NEB: variants seen among roughly 807,000 people sequenced by gnomAD.
The protein encoded by NEB is nebulin, also known as nemaline myopathy type 2.
A neutral mutation model predicts 952.2 loss-of-function variants in NEB; 512 were observed. The observed-to-expected ratio is 0.54, with a 90% CI of 0.50 to 0.58. The LOEUF (loss-of-function observed/expected upper bound fraction) is 0.58. Ranked by LOEUF, NEB falls within the 20% of genes least tolerant of loss-of-function variation. The pLI is 0.00. For synonymous variants in NEB, 2,900 were observed against 3,149.8 expected (o/e 0.92, Z 2.66); for missense variants, 8,428 against 9,231.1 (o/e 0.91, Z 3.56).
chr2:151,639,040 T>C (rs2098813432), intron 63 of NEB, among the ~76,000 whole-genome samples: 1 of 152,170 alleles, frequency 6.6e-6, no homozygotes, highest in Non-Finnish European at 1.5e-5. Context: ...AAGAAAATGG[T>C]CTACATAATC....
In NEB at chr2:151,538,237, T is replaced by C. The variant is rs1033911248; in HGVS notation, c.20900A>G (p.Tyr6967Cys). 1.2e-6 allele frequency: 2 copies of C among 1,608,162 alleles called. No individual in the cohort carries two copies. Among genetic ancestry groups the C allele is most frequent in the African/African-American group, 2.7e-5 (2 of 74,774 alleles). Residue 6967 changes from tyrosine (Y) to cysteine (C), a missense_variant, in exon 139 of 182, where the codon TAC (tyrosine) becomes TGC (cysteine). Around this residue, in one of 11 missense-constraint regions of NEB, gnomAD observed 3,374 missense variants for 3,651.5 expected, o/e 0.92. Transcript: ENST00000397345. ...RAYWNASDLR[Y>C]KETFQKTKGK... is the part of the protein sequence containing the mutation. ...TTTGGTCTTTTGAAATGTTTCTTTG[T>C]AGCGTAGCTAGAAAGAGAAAAAACA...
intron 64 of NEB, among the ~76,000 whole-genome samples, chr2:151,635,166 T>C (rs1460241439): frequency 6.6e-6 from 1 of 152,194 alleles, no homozygotes; most frequent in Non-Finnish European, 1.5e-5. Context: ...AGTGAGACAA[T>C]GCATATAAAG....
chr2:151,560,525 T>G, intron 124 of NEB, 67 bp downstream of exon 124: 4 of 1,250,116 alleles, frequency 3.2e-6, no homozygotes, highest in Non-Finnish European at 4.6e-6. Context: ...GCCTGAAAGA[T>G]TCTTGGAGTG....
At chr2:151,574,722 T>TTTTTTTTATTTATTTATTTA (rs1553805108) in intron 107 of NEB, among the ~76,000 whole-genome samples, 3 of 147,698 alleles carry the variant, frequency 2.0e-5, no homozygotes, top group East Asian at 2.0e-4. Flanking sequence ...ACAGTTTAAA[T>TTTTTTTTATTTATTTATTTA]TTTATTTATT....
In NEB at chr2:151,724,630, G is replaced by A. The variant is rs77538319; in HGVS notation, c.507+227C>T. 3.3e-3 allele frequency among the ~76,000 whole-genome samples: 510 copies of A among 152,300 alleles called. 3 individuals carry two copies. The highest frequency in any genetic ancestry group is 0.011 in the African/African-American group (468 of 41,562). ...CTTCATGCAGCAACAGCCTGGAGCC[G>A]AGTCACAGCTGCCTCTTTGGGCAGG... On this transcript the variant is annotated intron_variant, in intron 7 of 181. Coordinates refer to ENST00000397345, the MANE Select transcript of NEB (RefSeq NM_001164508.2).
In NEB at chr2:151,568,082, C is replaced by T. The variant is rs79562044; in HGVS notation, c.17833G>A (p.Val5945Ile). The T allele has an allele frequency of 1.2e-5, 20 of 1,613,070 alleles. No homozygotes were observed. The East Asian group carries it at 1.6e-4, about 13-fold the overall frequency. ...PFVHAHHCNDVQSELKYKAEH... is the reference protein window; with the variant it reads ...PFVHAHHCNDIQSELKYKAEH... Reference sequence around the variant, plus strand: ...TCAGGATGTATTACCTCACTCTGAACGTCATTGCAGTGATGGGCATGAACA... The same window carrying T: ...TCAGGATGTATTACCTCACTCTGAATGTCATTGCAGTGATGGGCATGAACA... Residue 5945 changes from valine to isoleucine, a missense_variant, in exon 113 of 182, where the codon GTT (valine) becomes ATT (isoleucine). By Grantham distance (29) the Val-to-Ile change is conservative. This residue lies in a region of NEB where 3,374 missense variants were observed against 3,651.5 expected (regional missense o/e 0.92). Coordinates refer to ENST00000397345, the MANE Select transcript of NEB (RefSeq NM_001164508.2).
chr2:151,631,162 T>C lies in NEB; in HGVS notation c.9599A>G (p.Asn3200Ser), dbSNP rs2098659680. Reference sequence around the variant, plus strand: ...ACTCACCTTATTCATGTTGAGAGCATTGTTCTTGGCCAGCACCTGCTCTAG... The same window carrying C: ...ACTCACCTTATTCATGTTGAGAGCACTGTTCTTGGCCAGCACCTGCTCTAG... ...DSLEQVLAKN[N>S]ALNMNKRLYT... Residue 3200 changes from asparagine to serine, a missense_variant, in exon 66 of 182, where the codon AAT (asparagine) becomes AGT (serine). This residue lies in a region of NEB where 1,772 missense variants were observed against 1,960.3 expected (regional missense o/e 0.90). Coordinates refer to ENST00000397345, the MANE Select transcript of NEB (RefSeq NM_001164508.2). The C allele has an allele frequency of 6.2e-7, 1 of 1,613,940 alleles. No individual in the cohort carries two copies. Among genetic ancestry groups the C allele is most frequent in the Non-Finnish European group, 8.5e-7 (1 of 1,179,840 alleles).
rs759568612 is a variant in NEB at position 151,562,631 on chromosome 2, C to T, written c.18871G>A (p.Ala6291Thr). ...EEPNVIRVRN[A>T]QEILSDNVYK... is the part of the protein sequence containing the mutation. ...CATACATCACTCAAGATCTCCTGGG[C>T]GTTTCGGACGCGTATAACATTGGGT... Residue 6291 changes from alanine (A) to threonine (T), a missense_variant, in exon 120 of 182, where the codon GCC becomes ACC. This residue lies in a region of NEB where 3,374 missense variants were observed against 3,651.5 expected (regional missense o/e 0.92). Coordinates refer to ENST00000397345, the MANE Select transcript of NEB (RefSeq NM_001164508.2). 2.3e-5 allele frequency: 36 copies of T among 1,577,084 alleles called. No individual in the cohort carries two copies. The South Asian group carries it at 2.4e-4, about 11-fold the overall frequency.
chr2:151,625,459 T>C lies in NEB; in HGVS notation c.10452+75A>G, dbSNP rs534861704. 14 of 1,175,732 alleles carry C rather than the reference T, an allele frequency of 1.2e-5. No individual in the cohort carries two copies. In the African/African-American group the frequency reaches 1.8e-4, roughly 15 times the overall value. The allele number at this position is 1,175,732 out of a possible 1,614,324, so 72.8% of individuals were successfully genotyped here. ...GCTAACTGGCTTACATGAGGATTAATTTCATAATTCTCACATTCCTACATC... is the reference window on the plus strand; with the variant it reads ...GCTAACTGGCTTACATGAGGATTAACTTCATAATTCTCACATTCCTACATC... On this transcript the variant is annotated intron_variant, in intron 71 of 181. Coordinates refer to ENST00000397345, the MANE Select transcript of NEB (RefSeq NM_001164508.2).
chr2:151,639,203 A>G (rs147000720), intron 63 of NEB, 77 bp downstream of exon 63: 1 of 1,132,100 alleles, frequency 8.8e-7, no homozygotes, highest in East Asian at 2.6e-5. Context: ...TAAAGCTGTC[A>G]TTTGGTATCA....
rs571459517 is a variant in NEB, at chr2:151,486,868, A to G, written c.25405-935T>C. 2.6e-5 allele frequency: 4 copies of G among 152,334 alleles called. No individual in the cohort carries two copies. In the East Asian group the frequency reaches 7.7e-4, roughly 29 times the overall value. 9.4% of individuals were successfully genotyped at this position (152,334 alleles called of 1,614,324 possible). ...TGGAGCAGAAAGGGGATGGAGAATG[A>G]ATGCCAATGGGCACCAGCATTTGTT... On this transcript the variant is annotated intron_variant, in intron 181 of 181. Transcript: ENST00000397345.
At chr2:151,583,853 T>C in intron 100 of NEB, 87 bp from the exon 101 acceptor site, 1 of 483,318 alleles carries the variant, frequency 2.1e-6, no homozygotes. Context: ...TCAGTATGTT[T>C]TCTTAGCCTT....
rs193218477 is a variant in NEB at position 151,642,588 on chromosome 2, C to A, written c.8359G>T (p.Asp2787Tyr). Residue 2787 changes from aspartate to tyrosine, a missense_variant, in exon 60 of 182, where the codon GAT becomes TAT. Physicochemically the swap from Asp to Tyr is radical, Grantham distance 160 (BLOSUM62 -3). Around this residue, in one of 11 missense-constraint regions of NEB, gnomAD observed 1,772 missense variants for 1,960.3 expected, o/e 0.90. Transcript: ENST00000397345. ...AGTATACTTACTTCACTTGCAATAT[C>A]TCTGGAGGCCTTGGCTGCCTTGATA... ...IPIKAAKASRDIASEFKYKEG... is the reference protein window; with the variant it reads ...IPIKAAKASRYIASEFKYKEG... 7.4e-6 allele frequency: 12 copies of A among 1,612,646 alleles called. No individual in the cohort carries two copies. In the South Asian group the frequency reaches 1.3e-4, roughly 18 times the overall value.
Position 151,526,999 on chromosome 2 carries a change from C to A in NEB, c.21864G>T (p.Glu7288Asp). 1 of 1,600,722 alleles carries A rather than the reference C, an allele frequency of 6.2e-7. No homozygotes were observed. ...CAGAAAGCTTGCAACCCTTGAGGAA[C>A]TCCCGGTCCAGCTTATATTCAAACT... is the stretch of plus-strand genomic sequence containing the variant. ...QSDFEYKLDREFLKGCKLSVT... is the reference protein window; with the variant it reads ...QSDFEYKLDRDFLKGCKLSVT... The change falls in exon 148 of 182, where the codon GAG becomes GAT. Residue 7288 changes from glutamate to aspartate, a missense_variant. Glu to Asp is a conservative substitution (Grantham distance 45). Coordinates refer to ENST00000397345, the MANE Select transcript of NEB (RefSeq NM_001164508.2).
intron 64 of NEB, among the ~76,000 whole-genome samples, chr2:151,635,707 C>CAAAAAAAA (rs1292764660): frequency 1.2e-5 from 1 of 86,014 alleles, no homozygotes; most frequent in African/African-American, 4.6e-5. Flanking sequence ...ACTCTGTCTC[C>CAAAAAAAA]AAAAAAAAAA....
At chr2:151,687,567 C>A (rs564907904) in intron 26 of NEB, 35 bp from the exon 27 acceptor site, 1 of 1,612,822 alleles carries the variant, frequency 6.2e-7, no homozygotes, top group South Asian at 1.1e-5. Flanking sequence ...ATCCCACTCA[C>A]CAGGAAATGT....
At chr2:151,722,365 T>G (rs916465416) in intron 9 of NEB, among the ~76,000 whole-genome samples, 1 of 152,188 alleles carries the variant, frequency 6.6e-6, no homozygotes. Context: ...GCCTAAGGAC[T>G]CTGTTAAGCC....
rs2098126369 is a variant in NEB, at chr2:151,614,463, T to C, written c.11414A>G (p.Lys3805Arg). Residue 3805 changes from lysine to arginine, a missense_variant, in exon 77 of 182, where the codon AAG becomes AGG. Around this residue, in one of 11 missense-constraint regions of NEB, gnomAD observed 1,772 missense variants for 1,960.3 expected, o/e 0.90. Transcript: ENST00000397345. ...GGTCTTCCACTTCTCAAACTCCTTC[T>C]TGTACTCCCTGTCACTCTGGATCTT... ...VAKIQSDREYKKEFEKWKTKF... is the reference protein window; with the variant it reads ...VAKIQSDREYRKEFEKWKTKF... The C allele has an allele frequency of 6.2e-7, 1 of 1,613,912 alleles. No homozygotes were observed. The highest frequency in any genetic ancestry group is 8.5e-7 in the Non-Finnish European group (1 of 1,179,858).
Position 151,614,378 on chromosome 2 carries a change from A to G in NEB, c.11499T>C (p.Leu3833=). 1 of 1,613,860 alleles carries G rather than the reference A, an allele frequency of 6.2e-7. No homozygotes were observed. The highest frequency in any genetic ancestry group is 8.5e-7 in the Non-Finnish European group (1 of 1,179,836). Residue 3833 remains leucine, a synonymous_variant, in exon 77 of 182, where the codon CTT becomes CTC. Transcript: ENST00000397345. ...GATGCTTGTAGTCTATGTCGCTTAC[A>G]AGGATCTGACACTTCTTGGCCAGCA... ...GVVLAKKCQI[L]VSDIDYKHPL... is the part of the protein sequence containing the mutation.
Sources: gnomAD v4.1 joint callset for allele counts (sites outside exome capture counted in the v4.1 genomes callset) on GRCh38, gnomAD v4.1.1 for gene constraint, gnomAD v4.1.1 regional missense constraint, MANE v1.5 for transcripts, NCBI Gene and HGNC (gene_info 2026-07-23, HGNC 2026-07-21) for gene names.